KATNA1: variants seen among roughly 807,000 people sequenced by gnomAD.
The protein encoded by KATNA1 is katanin catalytic subunit A1, also known as katanin p60 ATPase-containing subunit A1.
KATNA1 carries 42 observed loss-of-function variants against 62.6 expected under a neutral mutation model. The observed-to-expected ratio is 0.67, with a 90% CI of 0.52 to 0.87. KATNA1 has a LOEUF of 0.87. Among genes scored for constraint, KATNA1 ranks in the 40% least tolerant of loss-of-function variants. The pLI, the probability that KATNA1 is intolerant of heterozygous loss-of-function variation, is 0.00. For missense variants in KATNA1, 498 were observed against 612.5 expected (o/e 0.81, Z 1.97); for synonymous variants, 186 against 201.9 (o/e 0.92, Z 0.67).
chr6:149,630,561 G>A (rs1779791479), intron 3 of KATNA1, among the ~76,000 whole-genome samples: 1 of 152,196 alleles, frequency 6.6e-6, no homozygotes, highest in Non-Finnish European at 1.5e-5. Context: ...CCGGGAGGCG[G>A]AGGTTGCAGT....
In KATNA1 at chr6:149,597,532, TTTCTCA is replaced by T. The variant is rs766645649; in HGVS notation, c.1119_1124del (p.Glu374_Lys375del). 3.7e-6 allele frequency: 6 copies of T among 1,614,080 alleles called. No homozygotes were observed. The South Asian group carries it at 6.6e-5, about 18-fold the overall frequency. ...CTGACGGCAAAGGAATATAGATTCGTTTCTCAAGGCGTCGTCTTAAAGCCTCATCTA... is the reference window on the plus strand; with the variant it reads ...CTGACGGCAAAGGAATATAGATTCGTAGGCGTCGTCTTAAAGCCTCATCTA... On this transcript the variant is annotated inframe_deletion, in exon 9 of 11. Transcript: ENST00000367411.
In KATNA1 at chr6:149,622,095, T is replaced by C. The variant is rs569529552; in HGVS notation, c.501+1008A>G. Among the ~76,000 whole-genome samples the C allele has an allele frequency of 5.3e-4, 81 of 151,932 alleles. 1 individual carries two copies. Among genetic ancestry groups the C allele is most frequent in the South Asian group, 2.3e-3 (11 of 4,808 alleles). On this transcript the variant is annotated intron_variant, in intron 4 of 10. Transcript: ENST00000367411. ...GATTAGATGAACAGTACTATAACAA[T>C]GTAAAATTTACAGCTTTTGATAACT...
intron 4 of KATNA1, among the ~76,000 whole-genome samples, chr6:149,612,450 A>C (rs952338942): frequency 1.3e-5 from 2 of 152,174 alleles, no homozygotes; most frequent in Admixed American, 1.3e-4. Context: ...CGGAGGTTGC[A>C]GTGAGCCAAG....
At chr6:149,610,938 A>G (rs1206190143) in intron 4 of KATNA1, among the ~76,000 whole-genome samples, 4 of 152,136 alleles carry the variant, frequency 2.6e-5, no homozygotes, top group Admixed American at 1.3e-4. Context: ...TACAAAAACT[A>G]GCCGGGCGTG....
intron 4 of KATNA1, among the ~76,000 whole-genome samples, chr6:149,606,325 C>T (rs1352196986): frequency 6.6e-6 from 1 of 152,094 alleles, no homozygotes; most frequent in East Asian, 1.9e-4. Context: ...TACTAAGATA[C>T]TTATGAATAT....
intron 7 of KATNA1, among the ~76,000 whole-genome samples, chr6:149,600,230 A>G (rs964526018): frequency 7.3e-5 from 11 of 150,426 alleles, no homozygotes; most frequent in African/African-American, 2.7e-4. Flanking sequence ...AGCTGAACAC[A>G]ATGGCTCTTG....
At chr6:149,606,463 G>A (rs1778744571) in intron 4 of KATNA1, among the ~76,000 whole-genome samples, 2 of 151,976 alleles carry the variant, frequency 1.3e-5, no homozygotes, top group Admixed American at 1.3e-4. Context: ...TTTGCCAACT[G>A]GTGCTGTCTA....
At position 149,601,597 on chromosome 6, in the gene KATNA1, T is replaced by C. The variant is rs1778543383; in HGVS notation, c.885A>G (p.Glu295=). The change falls in exon 7 of 11, where the codon GAA becomes GAG. Residue 295 remains glutamate, a synonymous_variant. Coordinates refer to ENST00000367411, the MANE Select transcript of KATNA1 (RefSeq NM_007044.4). Reference sequence around the variant, plus strand: ...TAGAGCTGTCTCAAACATTCACCATTTCAAACAGAAGACGAACAAGCTTCT... The same window carrying C: ...TAGAGCTGTCTCAAACATTCACCATCTCAAACAGAAGACGAACAAGCTTCT... ...ESEKLVRLLF[E]MARFYSPATI... The C allele has an allele frequency of 6.2e-7, 1 of 1,602,880 alleles. No homozygotes were observed. Among genetic ancestry groups the C allele is most frequent in the African/African-American group, 1.3e-5 (1 of 74,644 alleles).
intron 4 of KATNA1, among the ~76,000 whole-genome samples, chr6:149,622,036 T>C (rs898865011): frequency 6.6e-6 from 1 of 152,152 alleles, no homozygotes; most frequent in African/African-American, 2.4e-5. Context: ...ATGACATTAT[T>C]GGGATAATTG....
chr6:149,640,991 C>T (rs138608881), intron 1 of KATNA1, among the ~76,000 whole-genome samples: 2 of 152,254 alleles, frequency 1.3e-5, no homozygotes, highest in East Asian at 3.9e-4. Flanking sequence ...CTGACTCAGG[C>T]TCCTGAGTAG....
intron 4 of KATNA1, among the ~76,000 whole-genome samples, chr6:149,605,961 C>T (rs1328331437): frequency 1.3e-5 from 2 of 151,994 alleles, no homozygotes; most frequent in Non-Finnish European, 2.9e-5. Context: ...GGTTTCAGCA[C>T]GTTGGCCATG....
At chr6:149,641,661 C>A (rs142024523) in intron 1 of KATNA1, among the ~76,000 whole-genome samples, 3 of 152,310 alleles carry the variant, frequency 2.0e-5, no homozygotes, top group Admixed American at 6.5e-5. Flanking sequence ...AGTTTACCTA[C>A]AATGCATCAA....
chr6:149,598,397 A>C (rs1213639809), intron 7 of KATNA1, 47 bp from the exon 8 acceptor site: 4 of 1,588,374 alleles, frequency 2.5e-6, no homozygotes, highest in African/African-American at 1.3e-5. Flanking sequence ...CTATTATTTC[A>C]TTTTAAAATA....
At chr6:149,638,634 T>C in intron 1 of KATNA1, 74 bp from the exon 2 acceptor site, 1 of 1,022,462 alleles carries the variant, frequency 9.8e-7, no homozygotes, top group South Asian at 1.6e-5. Context: ...TATTAAAAAA[T>C]ACTTTCCAGG....
intron 7 of KATNA1, among the ~76,000 whole-genome samples, chr6:149,599,470 C>T (rs527323505): frequency 4.6e-5 from 7 of 152,238 alleles, no homozygotes; most frequent in East Asian, 1.9e-4. Context: ...CAGGAAGGTA[C>T]GGTAGAGGAC....
chr6:149,632,372 T>TAAAA (rs11441223), intron 3 of KATNA1, among the ~76,000 whole-genome samples: 1 of 133,576 alleles, frequency 7.5e-6, no homozygotes, highest in African/African-American at 2.8e-5. Context: ...AGACTCTGTC[T>TAAAA]AAAAAAAAAA....
At chr6:149,637,578 G>T (rs1352891535) in intron 2 of KATNA1, among the ~76,000 whole-genome samples, 2 of 152,108 alleles carry the variant, frequency 1.3e-5, no homozygotes, top group East Asian at 3.9e-4. Flanking sequence ...TGTAATCCCA[G>T]CACTTTGGGA....
At chr6:149,623,057 A>C (rs1050199930) in intron 4 of KATNA1, 46 bp downstream of exon 4, 37 of 1,369,600 alleles carry the variant, frequency 2.7e-5, no homozygotes, top group Non-Finnish European at 3.5e-5. Flanking sequence ...CTTCATTTTT[A>C]CGGTTCAAAA....
At chr6:149,611,502 AAG>A (rs912026572) in intron 4 of KATNA1, among the ~76,000 whole-genome samples, 2 of 151,420 alleles carry the variant, frequency 1.3e-5, no homozygotes, top group African/African-American at 4.8e-5. Context: ...AAGAAAAAAA[AAG>A]ATATTGATAA....
Sources: gnomAD v4.1 joint callset for allele counts (sites outside exome capture counted in the v4.1 genomes callset) on GRCh38, gnomAD v4.1.1 for gene constraint, MANE v1.5 for transcripts, NCBI Gene and HGNC (gene_info 2026-07-23, HGNC 2026-07-21) for gene names.